PPP3CA: variants seen among roughly 807,000 people sequenced by gnomAD.
The protein encoded by PPP3CA is protein phosphatase 3 catalytic subunit alpha, also known as CAM-PRP catalytic subunit.
A neutral mutation model predicts 66.5 loss-of-function variants in PPP3CA; 14 were observed. The ratio of observed to expected loss-of-function variants is 0.21; its 90% CI spans 0.14 to 0.33. PPP3CA has a LOEUF of 0.33. Among genes scored for constraint, PPP3CA ranks in the 10% least tolerant of loss-of-function variants. The pLI, the probability that PPP3CA is intolerant of heterozygous loss-of-function variation, is 1.00. For missense variants in PPP3CA, 317 were observed against 639.5 expected (o/e 0.50, Z 5.44); for synonymous variants, 232 against 226.2 (o/e 1.03, Z -0.23).
intron 1 of PPP3CA, among the ~76,000 whole-genome samples, chr4:101,314,569 CAAAAAAAAAAA>C (rs748980814): frequency 4.0e-5 from 3 of 75,256 alleles, no homozygotes; most frequent in Non-Finnish European, 7.6e-5. Flanking sequence ...ATCTCAAAAC[CAAAAAAAAAAA>C]AAAAAAAAAA....
intron 1 of PPP3CA, among the ~76,000 whole-genome samples, chr4:101,248,389 T>A (rs1030307908): frequency 6.6e-6 from 1 of 152,184 alleles, no homozygotes; most frequent in Non-Finnish European, 1.5e-5. Flanking sequence ...CTGGAATAAA[T>A]GGCAATTTTT....
chr4:101,246,028 T>C (rs1285841724), intron 1 of PPP3CA, among the ~76,000 whole-genome samples: 1 of 152,140 alleles, frequency 6.6e-6, no homozygotes. Flanking sequence ...ACAGTTAAAT[T>C]CTACTAGTCT....
intron 2 of PPP3CA, among the ~76,000 whole-genome samples, chr4:101,151,268 A>T (rs1723127237): frequency 6.6e-6 from 1 of 152,152 alleles, no homozygotes; most frequent in Admixed American, 6.5e-5. Context: ...TTCCATATAG[A>T]AATGTTTACT....
Position 101,196,199 on chromosome 4 carries a change from C to T in PPP3CA, c.59-83G>A, listed in dbSNP as rs1332372458. 5.0e-6 allele frequency: 6 copies of T among 1,198,280 alleles called. No individual in the cohort carries two copies. The African/African-American group carries it at 9.3e-5, about 18-fold the overall frequency. The allele number at this position is 1,198,280 out of a possible 1,614,324, so 74.2% of individuals were successfully genotyped here. A position where few individuals can be genotyped will look rare whatever the true frequency, so the allele number is the denominator to read the frequency against. ...ATAATAACCACCAAATATCCATCCT[C>T]ATCACAAACCAACTAATATAATATT... On this transcript the variant is annotated intron_variant, in intron 1 of 13. Coordinates refer to ENST00000394854, the MANE Select transcript of PPP3CA (RefSeq NM_000944.5).
rs938628418 is a variant in PPP3CA at position 101,033,399 on chromosome 4, A to G, written c.1242-1035T>C. 2.4e-4 allele frequency among the ~76,000 whole-genome samples: 36 copies of G among 152,126 alleles called. 1 individual carries two copies. Among genetic ancestry groups the G allele is most frequent in the Non-Finnish European group, 5.9e-5 (4 of 68,002 alleles). On this transcript the variant is annotated intron_variant, in intron 11 of 13. Transcript: ENST00000394854. ...CGAAGGTGTCTCACGTGACTCAAAC[A>G]GAATTCCTGAACTTCTCCCCATAAC...
chr4:101,311,297 T>C (rs1462155720), intron 1 of PPP3CA, among the ~76,000 whole-genome samples: 1 of 152,214 alleles, frequency 6.6e-6, no homozygotes, highest in African/African-American at 2.4e-5. Context: ...GCTTTATTCT[T>C]TACATTATCT....
At position 101,346,877 on chromosome 4, in the gene PPP3CA, ACGCCGCCGC is replaced by A. The variant is rs3974660; in HGVS notation, c.-90_-82del. 869 of 1,293,008 alleles carry A rather than the reference ACGCCGCCGC, an allele frequency of 6.7e-4. 2 individuals carry two copies. Among genetic ancestry groups the A allele is most frequent in the East Asian group, 4.6e-3 (173 of 37,510 alleles). 80.1% of individuals were successfully genotyped at this position (1,293,008 alleles called of 1,614,324 possible). ...ACCGGACCGGCGGGCCAGACACTCA[ACGCCGCCGC>A]CGCCGCCGCCGCCGCCGCGCTGCAA... is the stretch of plus-strand genomic sequence containing the variant. On this transcript the variant is annotated 5_prime_UTR_variant, in exon 1 of 14. Coordinates refer to ENST00000394854, the MANE Select transcript of PPP3CA (RefSeq NM_000944.5).
At chr4:101,339,614 A>G (rs1729743875) in intron 1 of PPP3CA, among the ~76,000 whole-genome samples, 1 of 152,222 alleles carries the variant, frequency 6.6e-6, no homozygotes, top group South Asian at 2.1e-4. Context: ...TACAAATGGA[A>G]CTTAATATAA....
chr4:101,291,993 G>T (rs1038161410), intron 1 of PPP3CA, among the ~76,000 whole-genome samples: 1 of 151,850 alleles, frequency 6.6e-6, no homozygotes, highest in Non-Finnish European at 1.5e-5. Flanking sequence ...CAGGCATGGT[G>T]GTGTACTCCT....
chr4:101,050,113 G>A (rs1335597015), intron 10 of PPP3CA, among the ~76,000 whole-genome samples: 1 of 152,090 alleles, frequency 6.6e-6, no homozygotes, highest in Non-Finnish European at 1.5e-5. Flanking sequence ...CCCAAGTCAT[G>A]AGACTTTAAC....
At chr4:101,045,666 A>G (rs1226321773) in intron 10 of PPP3CA, among the ~76,000 whole-genome samples, 4 of 152,218 alleles carry the variant, frequency 2.6e-5, no homozygotes, top group Non-Finnish European at 5.9e-5. Flanking sequence ...GGAAGATGGT[A>G]GGGTGGGAAA....
chr4:101,085,857 CAG>C (rs1553923935), intron 6 of PPP3CA, among the ~76,000 whole-genome samples: 86 of 110,406 alleles, frequency 7.8e-4, no homozygotes, highest in African/African-American at 9.4e-4. Context: ...CACACACACA[CAG>C]AGAGAGAGAG....
intron 1 of PPP3CA, among the ~76,000 whole-genome samples, chr4:101,233,806 C>T (rs1726039985): frequency 6.6e-6 from 1 of 151,022 alleles, no homozygotes. Context: ...AAACTCATGT[C>T]ACGAAGGTTT....
At chr4:101,226,625 T>C (rs1725790803) in intron 1 of PPP3CA, among the ~76,000 whole-genome samples, 1 of 151,772 alleles carries the variant, frequency 6.6e-6, no homozygotes, top group South Asian at 2.1e-4. Context: ...CTTGTATTCA[T>C]ACTATGGCTA....
chr4:101,239,171 T>A (rs1726221898), intron 1 of PPP3CA, among the ~76,000 whole-genome samples: 1 of 152,104 alleles, frequency 6.6e-6, no homozygotes, highest in East Asian at 1.9e-4. Flanking sequence ...TCTTCCCTTT[T>A]ACTTTATCAA....
At chr4:101,045,469 C>A (rs1356605318) in intron 10 of PPP3CA, among the ~76,000 whole-genome samples, 1 of 152,148 alleles carries the variant, frequency 6.6e-6, no homozygotes, top group Non-Finnish European at 1.5e-5. Context: ...AAACTGCTTG[C>A]AGGTACAAGA....
At chr4:101,172,583 C>T (rs549801290) in intron 2 of PPP3CA, among the ~76,000 whole-genome samples, 5 of 152,150 alleles carry the variant, frequency 3.3e-5, no homozygotes, top group South Asian at 4.1e-4. Flanking sequence ...AATCTTAAAA[C>T]GAGTCTTTGT....
intron 3 of PPP3CA, chr4:101,108,304 C>T (rs1323107399): frequency 6.6e-6 from 1 of 152,196 alleles, no homozygotes; most frequent in Non-Finnish European, 1.5e-5. Flanking sequence ...AAGGCATAAA[C>T]ATGCAAATAC....
rs183998978 is a variant in PPP3CA at position 101,288,592 on chromosome 4, G to A, written c.58+58147C>T. Among the ~76,000 whole-genome samples the A allele has an allele frequency of 1.2e-3, 187 of 151,728 alleles. 4 individuals carry two copies. Among genetic ancestry groups the A allele is most frequent in the African/African-American group, 4.4e-3 (183 of 41,384 alleles). On this transcript the variant is annotated intron_variant, in intron 1 of 13. Coordinates refer to ENST00000394854, the MANE Select transcript of PPP3CA (RefSeq NM_000944.5). ...GGAGGAGGGGATAAGAGGGAACAAC[G>A]GGAAGGAGGGGAAGGAGGAAGGGCA...
Sources: allele counts gnomAD v4.1 joint callset (sites outside exome capture counted in the v4.1 genomes callset), GRCh38; gene constraint gnomAD v4.1.1; transcripts MANE v1.5; gene names NCBI Gene and HGNC (gene_info 2026-07-23, HGNC 2026-07-21).